Variants in EYS observed in about 807,000 individuals in gnomAD.
EYS encodes EGF-like photoreceptor maintenance factor.
Under a neutral mutation model 282.1 loss-of-function variants are expected in EYS, and 250 were observed. The observed-to-expected ratio is 0.89, with a 90% CI of 0.80 to 0.98. EYS has a LOEUF of 0.98. Ranked by LOEUF, EYS falls within the 50% of genes least tolerant of loss-of-function variation. The pLI is 0.00. For missense variants in EYS, 4,016 were observed against 3,709.0 expected (o/e 1.08, Z -2.15); for synonymous variants, 1,355 against 1,282.9 (o/e 1.06, Z -1.20).
At chr6:65,198,206 G>A (rs772091688) in intron 12 of EYS, among the ~76,000 whole-genome samples, 26 of 152,042 alleles carry the variant, frequency 1.7e-4, no homozygotes, top group African/African-American at 5.1e-4. Context: ...GTCTTCTACC[G>A]CCACATCTTG....
intron 12 of EYS, among the ~76,000 whole-genome samples, chr6:65,170,005 TAA>T (rs1238883960): frequency 6.6e-6 from 1 of 151,574 alleles, no homozygotes; most frequent in African/African-American, 2.4e-5. Context: ...TGCAATCTTC[TAA>T]AAATGGGAAA....
At chr6:65,125,823 C>A (rs1327850474) in intron 12 of EYS, among the ~76,000 whole-genome samples, 1 of 152,010 alleles carries the variant, frequency 6.6e-6, no homozygotes, top group Non-Finnish European at 1.5e-5. Flanking sequence ...GCTTTTAGGC[C>A]AATTTAGGAG....
In EYS at chr6:64,450,057, C is replaced by T. The variant is rs534505640; in HGVS notation, c.5645-10705G>A. Among the ~76,000 whole-genome samples, 31 of 152,072 alleles carry T rather than the reference C, an allele frequency of 2.0e-4. No individual in the cohort carries two copies. The South Asian group carries it at 6.2e-3, about 31-fold the overall frequency. On this transcript the variant is annotated intron_variant, in intron 26 of 42. Transcript: ENST00000503581. The stretch of plus-strand genomic sequence containing the variant: ...AAATGCTCCAATTAAAAGGCACAAC[C>T]TGGCAAATTGGATAAAGAGTCAAGA...
chr6:65,498,302 T>G (rs1766326255), intron 2 of EYS, among the ~76,000 whole-genome samples: 2 of 152,050 alleles, frequency 1.3e-5, no homozygotes, highest in Admixed American at 1.3e-4. Context: ...CTTTTGTACC[T>G]GTAAATCACA....
intron 33 of EYS, among the ~76,000 whole-genome samples, chr6:64,032,165 G>A (rs1410355938): frequency 1.3e-5 from 2 of 152,006 alleles, no homozygotes; most frequent in African/African-American, 4.8e-5. Context: ...CACTCCTGAG[G>A]CGGCGAGACC....
intron 14 of EYS, among the ~76,000 whole-genome samples, chr6:64,995,724 C>CCCCCCCCCT (rs1771237754): frequency 5.4e-5 from 8 of 148,882 alleles, no homozygotes; most frequent in South Asian, 2.2e-4. Context: ...TTCCCCCCCG[C>CCCCCCCCCT]CCCATATTCT....
chr6:64,320,263 C>A (rs1485726390), intron 29 of EYS, among the ~76,000 whole-genome samples: 1 of 151,766 alleles, frequency 6.6e-6, no homozygotes, highest in Non-Finnish European at 1.5e-5. Context: ...ATTATTTCTT[C>A]AAACAGTTAT....
intron 2 of EYS, among the ~76,000 whole-genome samples, chr6:65,621,806 A>G (rs1169218318): frequency 6.6e-6 from 1 of 151,982 alleles, no homozygotes; most frequent in African/African-American, 2.4e-5. Context: ...TTATTTTTAA[A>G]TGTTTCCTTG....
chr6:64,503,939 T>C (rs1777131251), intron 26 of EYS, among the ~76,000 whole-genome samples: 1 of 152,178 alleles, frequency 6.6e-6, no homozygotes, highest in Non-Finnish European at 1.5e-5. Flanking sequence ...CTTGGCTCTC[T>C]CTCTCTCCTG....
intron 14 of EYS, among the ~76,000 whole-genome samples, chr6:64,947,263 C>G (rs1769318367): frequency 6.6e-6 from 1 of 151,742 alleles, no homozygotes; most frequent in Non-Finnish European, 1.5e-5. Flanking sequence ...ATTTGGACAG[C>G]AAATTTTTTT....
intron 2 of EYS, among the ~76,000 whole-genome samples, chr6:65,517,535 T>C (rs1767188709): frequency 6.6e-6 from 1 of 152,014 alleles, no homozygotes; most frequent in Admixed American, 6.6e-5. Context: ...AAACAAACTA[T>C]TTTAAAATGA....
chr6:64,734,075 G>A (rs1772078223), intron 22 of EYS, among the ~76,000 whole-genome samples: 1 of 151,550 alleles, frequency 6.6e-6, no homozygotes, highest in South Asian at 2.1e-4. Context: ...TTATATTGTG[G>A]TGCTTACCCA....
At chr6:65,089,299 A>T (rs988274259) in intron 12 of EYS, among the ~76,000 whole-genome samples, 1 of 152,176 alleles carries the variant, frequency 6.6e-6, no homozygotes, top group Non-Finnish European at 1.5e-5. Context: ...GAAAGCATCC[A>T]GGAGAGGGTG....
At chr6:64,941,962 T>C (rs1769104620) in intron 15 of EYS, among the ~76,000 whole-genome samples, 1 of 152,130 alleles carries the variant, frequency 6.6e-6, no homozygotes, top group African/African-American at 2.4e-5. Flanking sequence ...TTATTTACTT[T>C]TGGATATAAG....
At chr6:63,833,675 C>A (rs1349472449) in intron 36 of EYS, among the ~76,000 whole-genome samples, 5 of 152,174 alleles carry the variant, frequency 3.3e-5, no homozygotes, top group Non-Finnish European at 7.3e-5. Flanking sequence ...CATCAAGCTA[C>A]CAATGACTTC....
chr6:64,874,561 T>C (rs2150056159), intron 19 of EYS, among the ~76,000 whole-genome samples: 1 of 152,182 alleles, frequency 6.6e-6, no homozygotes, highest in South Asian at 2.1e-4. Context: ...GGGGCTTGTG[T>C]GCAGTAATGC....
At chr6:64,305,333 T>A (rs1297830687) in intron 30 of EYS, among the ~76,000 whole-genome samples, 1 of 139,738 alleles carries the variant, frequency 7.2e-6, no homozygotes, top group Non-Finnish European at 1.5e-5. Context: ...TTTGGTGCAA[T>A]CCCCAACAAA....
intron 28 of EYS, among the ~76,000 whole-genome samples, chr6:64,432,957 C>A (rs1342380998): frequency 3.9e-5 from 6 of 151,956 alleles, no homozygotes; most frequent in Non-Finnish European, 8.8e-5. Context: ...TTTATTATGC[C>A]AAACTGTATT....
At chr6:64,982,361 A>G (rs1027781311) in intron 14 of EYS, among the ~76,000 whole-genome samples, 2 of 151,422 alleles carry the variant, frequency 1.3e-5, no homozygotes, top group Admixed American at 1.3e-4. Context: ...ATATGCCAAC[A>G]CTTTAGATTA....
Sources: gnomAD v4.1 joint callset for allele counts (sites outside exome capture counted in the v4.1 genomes callset) on GRCh38, gnomAD v4.1.1 for gene constraint, MANE v1.5 for transcripts, NCBI Gene and HGNC (gene_info 2026-07-23, HGNC 2026-07-21) for gene names.